CC2D2B: variants seen among roughly 807,000 people sequenced by gnomAD.
The protein encoded by CC2D2B is protein CC2D2B.
In CC2D2B, 128 loss-of-function variants were observed where a neutral mutation model predicts 161.2. The ratio of observed to expected loss-of-function variants is 0.79; its 90% CI spans 0.69 to 0.92. The LOEUF is 0.92. CC2D2B is among the 40% of genes least tolerant of loss of function. CC2D2B has a pLI of 0.00. For synonymous variants in CC2D2B, 391 were observed against 449.8 expected (o/e 0.87, Z 1.65); for missense variants, 1,173 against 1,375.1 (o/e 0.85, Z 2.32).
chr10:96,009,813 T>A lies in CC2D2B; in HGVS notation c.2947-12T>A. The A allele has an allele frequency of 7.3e-7, 1 of 1,378,920 alleles. No individual in the cohort carries two copies. Among genetic ancestry groups the A allele is most frequent in the Non-Finnish European group, 9.9e-7 (1 of 1,005,220 alleles). The allele number at this position is 1,378,920 out of a possible 1,614,324, so 85.4% of individuals were successfully genotyped here. A position where few individuals can be genotyped will look rare whatever the true frequency, so the allele number is the denominator to read the frequency against. ...TATTAAGTAAGTAATAAAAAATTATTTATTTTCATAGGATCACTGTCTCAA... is the reference window on the plus strand; with the variant it reads ...TATTAAGTAAGTAATAAAAAATTATATATTTTCATAGGATCACTGTCTCAA... On this transcript the variant is annotated splice_polypyrimidine_tract_variant and intron_variant, in intron 25 of 34. Transcript: ENST00000646931.
At chr10:95,961,760 C>T (rs1410046468) in intron 11 of CC2D2B, 69 bp from the exon 12 acceptor site, 1 of 908,726 alleles carries the variant, frequency 1.1e-6, no homozygotes, top group Non-Finnish European at 1.4e-6. Flanking sequence ...ATACATTCTT[C>T]CATGCCACTT....
chr10:96,011,240 G>A (rs986030898), intron 26 of CC2D2B, among the ~76,000 whole-genome samples: 1 of 152,200 alleles, frequency 6.6e-6, no homozygotes, highest in Non-Finnish European at 1.5e-5. Flanking sequence ...ACACATTGTT[G>A]GAGGTACAGC....
At chr10:96,030,862 A>G (rs1051979315) in intron 34 of CC2D2B, among the ~76,000 whole-genome samples, 1 of 152,212 alleles carries the variant, frequency 6.6e-6, no homozygotes, top group African/African-American at 2.4e-5. Flanking sequence ...TACATAGTCT[A>G]CAATAAAACT....
In CC2D2B at chr10:95,914,533, A is replaced by T. The variant is rs1308841885; in HGVS notation, c.36+3174A>T. ...ATAATCCCCAAGTGTCAATGGGGGG[A>T]CCAGATGGAGGGAATTGGATCACGG... On this transcript the variant is annotated intron_variant, in intron 2 of 34. Coordinates refer to ENST00000646931, the MANE Select transcript of CC2D2B (RefSeq NM_001349008.3). 2.0e-5 allele frequency among the ~76,000 whole-genome samples: 3 copies of T among 152,114 alleles called. No individual in the cohort carries two copies. The East Asian group carries it at 5.8e-4, about 29-fold the overall frequency.
intron 5 of CC2D2B, among the ~76,000 whole-genome samples, chr10:95,925,921 T>C (rs1293982945): frequency 6.6e-6 from 1 of 152,178 alleles, no homozygotes; most frequent in Non-Finnish European, 1.5e-5. Flanking sequence ...GGTTCTACTA[T>C]TAGAGTTGGG....
intron 6 of CC2D2B, among the ~76,000 whole-genome samples, chr10:95,931,243 G>A (rs372996562): frequency 5.3e-5 from 8 of 151,866 alleles, no homozygotes; most frequent in African/African-American, 1.5e-4. Context: ...CCCCTTTATC[G>A]TTTTTTATTG....
rs747323227 is a variant in CC2D2B, at chr10:96,027,298, G to A, written c.4034G>A (p.Arg1345Gln). The change falls in exon 34 of 35, where the codon CGA becomes CAA. Residue 1345 changes from arginine to glutamine, a missense_variant. Physicochemically the swap from Arg to Gln is conservative, Grantham distance 43. This residue lies in a region of CC2D2B where 598 missense variants were observed against 693.2 expected (regional missense o/e 0.86). Transcript: ENST00000646931. ...HWNRQCTFIL[R>Q]QILPKLEFGI... ...AATCGACAGTGTACTTTTATTTTGCGACAAATCCTTCCTAAGCTGGAATTT... is the reference window on the plus strand; with the variant it reads ...AATCGACAGTGTACTTTTATTTTGCAACAAATCCTTCCTAAGCTGGAATTT... The A allele has an allele frequency of 1.6e-5, 25 of 1,551,128 alleles. No individual in the cohort carries two copies. The South Asian group carries it at 2.1e-4, about 13-fold the overall frequency.
chr10:95,977,120 C>T (rs568489735), intron 17 of CC2D2B, among the ~76,000 whole-genome samples: 50 of 2,770 alleles, frequency 0.018, no homozygotes, highest in Admixed American at 0.079. Flanking sequence ...CGTGTAATCC[C>T]AGCACTTTGG....
intron 12 of CC2D2B, among the ~76,000 whole-genome samples, chr10:95,964,052 C>T (rs563669848): frequency 1.1e-4 from 17 of 152,274 alleles, no homozygotes; most frequent in Non-Finnish European, 2.1e-4. Flanking sequence ...ATATTGTCTT[C>T]ACTTGTGCTC....
intron 29 of CC2D2B, among the ~76,000 whole-genome samples, chr10:96,015,231 AT>A (rs58739011): frequency 0.011 from 1,223 of 111,290 alleles, 8 homozygotes; most frequent in African/African-American, 0.03. Context: ...GGCCCAGCTA[AT>A]TTTTTTTTTT....
chr10:95,977,974 GA>G (rs35283420), intron 17 of CC2D2B, among the ~76,000 whole-genome samples: 3 of 152,042 alleles, frequency 2.0e-5, no homozygotes, highest in African/African-American at 2.4e-5. Flanking sequence ...TTGGGATGAA[GA>G]AAAAAATTCT....
intron 23 of CC2D2B, among the ~76,000 whole-genome samples, chr10:95,995,666 G>A (rs1016097116): frequency 5.3e-5 from 8 of 152,142 alleles, no homozygotes; most frequent in African/African-American, 1.4e-4. Flanking sequence ...CTTGTTCTAT[G>A]AGGCCTCTAC....
At chr10:95,954,227 A>C (rs2076498959) in intron 10 of CC2D2B, among the ~76,000 whole-genome samples, 1 of 152,136 alleles carries the variant, frequency 6.6e-6, no homozygotes, top group South Asian at 2.1e-4. Context: ...TTGTGAGTAT[A>C]TATGTGTGTG....
intron 26 of CC2D2B, among the ~76,000 whole-genome samples, chr10:96,011,431 A>G (rs374548477): frequency 2.0e-5 from 3 of 152,224 alleles, no homozygotes; most frequent in African/African-American, 7.2e-5. Context: ...TCTGACCCTC[A>G]GTTTGCTTAT....
intron 29 of CC2D2B, among the ~76,000 whole-genome samples, chr10:96,014,873 AC>A (rs1305637549): frequency 2.0e-5 from 3 of 151,716 alleles, no homozygotes; most frequent in African/African-American, 4.8e-5. Context: ...ATCCTCCCTA[AC>A]CCCCATCCTT....
At chr10:95,930,696 T>C (rs2098548475) in intron 6 of CC2D2B, among the ~76,000 whole-genome samples, 1 of 152,226 alleles carries the variant, frequency 6.6e-6, no homozygotes, top group South Asian at 2.1e-4. Context: ...TGTTTATTGA[T>C]TTTCATATGT....
intron 34 of CC2D2B, among the ~76,000 whole-genome samples, chr10:96,028,511 T>C (rs2079881152): frequency 1.3e-5 from 2 of 152,172 alleles, no homozygotes; most frequent in Non-Finnish European, 2.9e-5. Context: ...AGGAAACCTT[T>C]GTACACCGTT....
rs1167459197 is a variant in CC2D2B at position 95,965,990 on chromosome 10, A to G, written c.1345A>G (p.Lys449Glu). ...AGGAAAAGAACTTAAGAATGGGAAA[A>G]AACTGGAGGTATTTATATTGCAAAA... ...NEGKELKNGKKLESLSYLASD... is the reference protein window; with the variant it reads ...NEGKELKNGKELESLSYLASD... The change falls in exon 13 of 35, where the codon AAA becomes GAA. Residue 449 changes from lysine to glutamate, a missense_variant. Physicochemically the swap from Lys to Glu is moderately conservative, Grantham distance 56 (BLOSUM62 1). Transcript: ENST00000646931. 1.7e-6 allele frequency: 2 copies of G among 1,154,154 alleles called. No individual in the cohort carries two copies. Among genetic ancestry groups the G allele is most frequent in the East Asian group, 3.2e-5 (1 of 31,228 alleles). 71.5% of individuals were successfully genotyped at this position (1,154,154 alleles called of 1,614,324 possible).
intron 11 of CC2D2B, among the ~76,000 whole-genome samples, chr10:95,957,782 A>G (rs2076620577): frequency 6.6e-6 from 1 of 151,456 alleles, no homozygotes; most frequent in Non-Finnish European, 1.5e-5. Flanking sequence ...GCTGGTCTCG[A>G]ACTCCTGACC....
Sources: gnomAD v4.1 joint callset for allele counts (sites outside exome capture counted in the v4.1 genomes callset) on GRCh38, gnomAD v4.1.1 for gene constraint, gnomAD v4.1.1 regional missense constraint, MANE v1.5 for transcripts, NCBI Gene and HGNC (gene_info 2026-07-23, HGNC 2026-07-21) for gene names.